The following KCTD1 variants were observed in gnomAD, a reference collection of about 807,000 sequenced individuals.
KCTD1 encodes BTB/POZ domain-containing protein KCTD1.
A neutral mutation model predicts 66.0 loss-of-function variants in KCTD1; 24 were observed. The ratio of observed to expected loss-of-function variants is 0.36; its 90% CI spans 0.26 to 0.51. The LOEUF (loss-of-function observed/expected upper bound fraction) is 0.51. KCTD1 is among the 20% of genes least tolerant of loss of function. The pLI is 0.95. For missense variants in KCTD1, 943 were observed against 1,205.2 expected, an observed-to-expected ratio of 0.78 and a Z score of 3.22; for synonymous variants, 511 against 517.2, an observed-to-expected ratio of 0.99 and a Z score of 0.16.
At chr18:26,540,141 C>T (rs1011461865) in intron 1 of KCTD1, among the ~76,000 whole-genome samples, 2 of 152,078 alleles carry the variant, frequency 1.3e-5, no homozygotes, top group South Asian at 4.1e-4. Context: ...TGGGTTAAAC[C>T]GGACTAGGGA....
intron 1 of KCTD1, among the ~76,000 whole-genome samples, chr18:26,623,480 C>G (rs940414116): frequency 6.6e-6 from 1 of 152,160 alleles, no homozygotes; most frequent in Non-Finnish European, 1.5e-5. Context: ...AGTGAGTTCT[C>G]ATGACATCTG....
chr18:26,496,547 C>T (rs1226254036), intron 2 of KCTD1, among the ~76,000 whole-genome samples: 1 of 152,100 alleles, frequency 6.6e-6, no homozygotes, highest in Non-Finnish European at 1.5e-5. Flanking sequence ...ATCTTACATA[C>T]ACATTGGTTA....
chr18:26,487,428 T>C (rs1186774931), intron 2 of KCTD1, among the ~76,000 whole-genome samples: 1 of 111,098 alleles, frequency 9.0e-6, no homozygotes, highest in African/African-American at 2.5e-5. Context: ...ATTTTAAGAA[T>C]GTCTAATTGC....
upstream of KCTD1, among the ~76,000 whole-genome samples, chr18:26,640,550 G>A (rs964262317): frequency 3.3e-5 from 5 of 152,174 alleles, no homozygotes; most frequent in African/African-American, 1.2e-4. Flanking sequence ...CAAATGCATA[G>A]GCACCATGAT....
At chr18:26,513,555 G>A (rs1339252139) in intron 1 of KCTD1, among the ~76,000 whole-genome samples, 1 of 152,152 alleles carries the variant, frequency 6.6e-6, no homozygotes, top group Non-Finnish European at 1.5e-5. Flanking sequence ...ACGTTTTCCC[G>A]AGGATGCAAC....
At chr18:26,514,820 T>C (rs1473927909) in intron 1 of KCTD1, among the ~76,000 whole-genome samples, 1 of 152,236 alleles carries the variant, frequency 6.6e-6, no homozygotes, top group Non-Finnish European at 1.5e-5. Flanking sequence ...TGCCTGCAGC[T>C]GAACTGCCAG....
At chr18:26,607,369 T>C (rs374708742) in intron 1 of KCTD1, among the ~76,000 whole-genome samples, 5 of 152,202 alleles carry the variant, frequency 3.3e-5, no homozygotes, top group East Asian at 3.8e-4. Flanking sequence ...TATTATAGCA[T>C]GTAACATATA....
At chr18:26,649,221 A>G (rs976345859) in intron 1 of KCTD1, among the ~76,000 whole-genome samples, 2 of 152,140 alleles carry the variant, frequency 1.3e-5, no homozygotes, top group African/African-American at 4.8e-5. Context: ...AGTATTCCTG[A>G]TCACTTTTGG....
At chr18:26,562,428 G>C (rs1985881485) in intron 1 of KCTD1, among the ~76,000 whole-genome samples, 1 of 149,688 alleles carries the variant, frequency 6.7e-6, no homozygotes, top group Admixed American at 6.6e-5. Context: ...AAGCCCGGTG[G>C]GGGGTGGGGG....
At position 26,501,120 on chromosome 18, in the gene KCTD1, T is replaced by C. The variant is rs1982738283; in HGVS notation, c.1940A>G (p.His647Arg). The C allele has an allele frequency of 1.2e-6, 2 of 1,614,218 alleles. No homozygotes were observed. Among genetic ancestry groups the C allele is most frequent in the Non-Finnish European group, 8.5e-7 (1 of 1,180,024 alleles). ...NAPVHIDVGGHMYTSSLATLT... is the reference protein window; with the variant it reads ...NAPVHIDVGGRMYTSSLATLT... The stretch of plus-strand genomic sequence containing the variant: ...GGTGGCCAGGCTGCTGGTGTACATG[T>C]GGCCGCCCACATCAATGTGGACAGG... The change falls in exon 2 of 5, where the codon CAC becomes CGC. Residue 647 changes from histidine (H) to arginine (R), a missense_variant. By Grantham distance (29) the His-to-Arg change is conservative (BLOSUM62 0). Around this residue, in one of 10 missense-constraint regions of KCTD1, gnomAD observed 41 missense variants for 103.8 expected, o/e 0.39. Coordinates refer to ENST00000580059, the MANE Select transcript of KCTD1 (RefSeq NM_001142730.3).
At position 26,501,247 on chromosome 18, in the gene KCTD1, T is replaced by A; in HGVS notation, c.1813A>T (p.Ser605Cys). ...SPAIVSPTQD[S>C]RPNMSRPLIT... The stretch of plus-strand genomic sequence containing the variant: ...AGAGGTCTTGACATATTGGGCCGAC[T>A]GTCCTACAGAGAGATAAGCAAGTTT... Residue 605 changes from serine (S) to cysteine (C), a missense_variant, in exon 2 of 5, where the codon AGT (serine) becomes TGT (cysteine). Ser to Cys is a moderately radical substitution (Grantham distance 112). Around this residue, in one of 10 missense-constraint regions of KCTD1, gnomAD observed 197 missense variants for 182.7 expected, o/e 1.08. Transcript: ENST00000580059. The A allele has an allele frequency of 6.2e-7, 1 of 1,613,626 alleles. No individual in the cohort carries two copies. The highest frequency in any genetic ancestry group is 8.5e-7 in the Non-Finnish European group (1 of 1,179,656).
chr18:26,599,612 G>C (rs1986843855), intron 1 of KCTD1: 2 of 1,480,210 alleles, frequency 1.4e-6, no homozygotes. Flanking sequence ...TTTAGTCCCG[G>C]GAAGCACCAC....
upstream of KCTD1, among the ~76,000 whole-genome samples, chr18:26,632,193 T>C (rs1568015526): frequency 6.6e-6 from 1 of 152,118 alleles, no homozygotes; most frequent in African/African-American, 2.4e-5. Flanking sequence ...GAGACCAGCC[T>C]GGCCAACATG....
chr18:26,613,024 T>A (rs1200576281), intron 1 of KCTD1, among the ~76,000 whole-genome samples: 1 of 152,182 alleles, frequency 6.6e-6, no homozygotes, highest in Non-Finnish European at 1.5e-5. Context: ...GGGGACTATG[T>A]TTCAGTTTGC....
At chr18:26,604,945 A>C (rs184878728) in intron 1 of KCTD1, among the ~76,000 whole-genome samples, 2 of 152,284 alleles carry the variant, frequency 1.3e-5, no homozygotes, top group East Asian at 3.9e-4. Context: ...TCCAGGGCTG[A>C]CTTGGTGACT....
intron 1 of KCTD1, among the ~76,000 whole-genome samples, chr18:26,621,242 C>T (rs1326724945): frequency 6.6e-6 from 1 of 152,064 alleles, no homozygotes; most frequent in Non-Finnish European, 1.5e-5. Context: ...GCTACTTACT[C>T]GTTTGGATGA....
intron 1 of KCTD1, among the ~76,000 whole-genome samples, chr18:26,534,405 A>T (rs1461509553): frequency 1.3e-5 from 2 of 152,080 alleles, no homozygotes; most frequent in African/African-American, 4.8e-5. Flanking sequence ...TCATTATTTT[A>T]TCCTTGCCAA....
chr18:26,619,322 T>C (rs1987322929), intron 1 of KCTD1, among the ~76,000 whole-genome samples: 1 of 152,210 alleles, frequency 6.6e-6, no homozygotes, highest in Admixed American at 6.5e-5. Context: ...AGATTTCACT[T>C]CTGGTTGTAA....
At chr18:26,526,378 C>T (rs1471614010) in intron 1 of KCTD1, among the ~76,000 whole-genome samples, 4 of 152,254 alleles carry the variant, frequency 2.6e-5, no homozygotes, top group East Asian at 3.9e-4. Flanking sequence ...GATCTAGACC[C>T]GGATTCGCAC....
Sources: gnomAD v4.1 joint callset for allele counts (sites outside exome capture counted in the v4.1 genomes callset) on GRCh38, gnomAD v4.1.1 for gene constraint, gnomAD v4.1.1 regional missense constraint, MANE v1.5 for transcripts, NCBI Gene and HGNC (gene_info 2026-07-23, HGNC 2026-07-21) for gene names.